ATP6V0D1: variants seen among roughly 807,000 people sequenced by gnomAD.
ATP6V0D1 encodes the protein ATPase H+ transporting V0 subunit d1.
Under a neutral mutation model 39.0 loss-of-function variants are expected in ATP6V0D1, and 13 were observed. That is an observed-to-expected ratio of 0.33 (90% confidence interval 0.22 to 0.53). The LOEUF is 0.53. ATP6V0D1 is among the 20% of genes least tolerant of loss of function. The probability of loss-of-function intolerance (pLI) is 0.94; values close to 1 mark genes in which losing one functional copy is unlikely to be tolerated. For synonymous variants in ATP6V0D1, 191 were observed against 191.2 expected, an observed-to-expected ratio of 1.00 and a Z score of 0.01; for missense variants, 272 against 470.9, an observed-to-expected ratio of 0.58 and a Z score of 3.91.
chr16:67,442,887 C>T (rs12596882), intron 4 of ATP6V0D1, among the ~76,000 whole-genome samples: 1 of 152,208 alleles, frequency 6.6e-6, no homozygotes, highest in East Asian at 1.9e-4. Context: ...CTGATTTTAT[C>T]TGAGCCCGTC....
chr16:67,470,552 G>C (rs1209654213), intron 1 of ATP6V0D1, among the ~76,000 whole-genome samples: 1 of 152,234 alleles, frequency 6.6e-6, no homozygotes, highest in African/African-American at 2.4e-5. Context: ...CTTGTGGGCA[G>C]AGCTAGGCTT....
At chr16:67,441,049 C>G (rs150716264) in intron 4 of ATP6V0D1, 1 of 152,322 alleles carries the variant, frequency 6.6e-6, no homozygotes, top group African/African-American at 2.4e-5. Flanking sequence ...GGGGAACCAA[C>G]CAACCAGGTA....
At chr16:67,470,656 C>T (rs2041365528) in intron 1 of ATP6V0D1, among the ~76,000 whole-genome samples, 1 of 152,172 alleles carries the variant, frequency 6.6e-6, no homozygotes, top group African/African-American at 2.4e-5. Flanking sequence ...AGGTTAATAT[C>T]TTTAGTGTTA....
chr16:67,478,758 A>G (rs1321625718), intron 1 of ATP6V0D1, among the ~76,000 whole-genome samples: 2 of 152,120 alleles, frequency 1.3e-5, no homozygotes, highest in East Asian at 3.9e-4. Flanking sequence ...GCAGTGTTAT[A>G]GGAAAAATGT....
rs148441376 is a variant in ATP6V0D1, at chr16:67,481,020, G to T, written c.67C>A (p.Leu23Met). 2 of 1,614,202 alleles carry T rather than the reference G, an allele frequency of 1.2e-6. No homozygotes were observed. ...GCCTGGCTGAGCACCCCGGCCTTCA[G>T]GCCGCGCACCAGTCCCTCCAAGTAG... is the stretch of plus-strand genomic sequence containing the variant. ...NGYLEGLVRG[L>M]KAGVLSQADY... The change falls in exon 1 of 8, where the codon CTG (leucine) becomes ATG (methionine). Residue 23 changes from leucine (L) to methionine (M), a missense_variant. Coordinates refer to ENST00000290949, the MANE Select transcript of ATP6V0D1 (RefSeq NM_004691.5).
chr16:67,447,389 TCTC>T lies in ATP6V0D1; in HGVS notation c.303-2686_303-2684del, dbSNP rs1469735743. Among the ~76,000 whole-genome samples, 8 of 152,202 alleles carry T rather than the reference TCTC, an allele frequency of 5.3e-5. No homozygotes were observed. The highest frequency in any genetic ancestry group is 1.0e-4 in the Non-Finnish European group (7 of 68,018). ...TAAGGCTGGCCCAGCAGTCTGCCTTTCTCCCAAGGCCGAGGCCTTCGGCAGGCA... is the reference window on the plus strand; with the variant it reads ...TAAGGCTGGCCCAGCAGTCTGCCTTTCCAAGGCCGAGGCCTTCGGCAGGCA... On this transcript the variant is annotated intron_variant, in intron 2 of 7. Transcript: ENST00000290949. This position sits in a 1 kb window ranked among gnomAD's most constrained non-coding sequence, Gnocchi z 4.1.
At position 67,438,513 on chromosome 16, in the gene ATP6V0D1, C is replaced by G; in HGVS notation, c.*15G>C. On this transcript the variant is annotated 3_prime_UTR_variant, in exon 8 of 8. Transcript: ENST00000290949. ...CACACACAAAGAGTGCAATTGAGAG[C>G]CTTGGGCCAGGACGCTAGAAGATAG... 1 of 1,613,610 alleles carries G rather than the reference C, an allele frequency of 6.2e-7. No homozygotes were observed. The highest frequency in any genetic ancestry group is 1.3e-5 in the African/African-American group (1 of 75,004).
chr16:67,474,981 TCTC>T (rs942102859), intron 1 of ATP6V0D1, among the ~76,000 whole-genome samples: 58 of 152,146 alleles, frequency 3.8e-4, no homozygotes, highest in African/African-American at 1.4e-3. Context: ...TTCCTAAAAT[TCTC>T]CTACAATACT....
At position 67,456,249 on chromosome 16, in the gene ATP6V0D1, AGCCTCCCAAAGT is replaced by A. The variant is rs1483298234; in HGVS notation, c.131-2546_131-2535del. ...CCTGACCTCAGCCTCCACCTGCCTC[AGCCTCCCAAAGT>A]GCTGCGATTACAGGCGTGAACCACG... On this transcript the variant is annotated intron_variant, in intron 1 of 7. Coordinates refer to ENST00000290949, the MANE Select transcript of ATP6V0D1 (RefSeq NM_004691.5). This position sits in a 1 kb window ranked among gnomAD's most constrained non-coding sequence, Gnocchi z 4.1. 6.6e-6 allele frequency: 1 copy of A among 152,082 alleles called. No homozygotes were observed. Among genetic ancestry groups the A allele is most frequent in the African/African-American group, 2.4e-5 (1 of 41,398 alleles). 9.4% of individuals were successfully genotyped at this position (152,082 alleles called of 1,614,324 possible).
At chr16:67,480,562 G>A (rs964212881) in intron 1 of ATP6V0D1, among the ~76,000 whole-genome samples, 1 of 152,106 alleles carries the variant, frequency 6.6e-6, no homozygotes, top group Non-Finnish European at 1.5e-5. Context: ...AGGGGGAAGA[G>A]GTGGGGGACT....
At chr16:67,451,039 T>C (rs1045654940) in intron 2 of ATP6V0D1, among the ~76,000 whole-genome samples, 2 of 152,244 alleles carry the variant, frequency 1.3e-5, no homozygotes, top group East Asian at 1.9e-4. Context: ...GTCTTTGCAG[T>C]GCTGGTGGGG....
chr16:67,467,229 G>A (rs2041337797), intron 1 of ATP6V0D1, among the ~76,000 whole-genome samples: 1 of 152,184 alleles, frequency 6.6e-6, no homozygotes. Context: ...TGTCATGGCT[G>A]GGCACAGTGG....
intron 1 of ATP6V0D1, among the ~76,000 whole-genome samples, chr16:67,468,202 G>A (rs1238321712): frequency 6.6e-6 from 1 of 152,120 alleles, no homozygotes; most frequent in Non-Finnish European, 1.5e-5. Flanking sequence ...TGAGGTAGAA[G>A]GATCACTTGA....
At chr16:67,445,063 G>C (rs1376248683) in intron 2 of ATP6V0D1, among the ~76,000 whole-genome samples, 1 of 152,244 alleles carries the variant, frequency 6.6e-6, no homozygotes, top group African/African-American at 2.4e-5. Context: ...CCAGCCCAGG[G>C]GGTGAAGAGC....
intron 1 of ATP6V0D1, among the ~76,000 whole-genome samples, chr16:67,466,563 G>A (rs1054977775): frequency 2.0e-5 from 3 of 151,778 alleles, no homozygotes; most frequent in South Asian, 2.1e-4. Context: ...GGCCGGGCAC[G>A]GTGGCTCACA....
At chr16:67,465,598 C>A (rs1194749932) in intron 1 of ATP6V0D1, among the ~76,000 whole-genome samples, 1 of 152,188 alleles carries the variant, frequency 6.6e-6, no homozygotes, top group Non-Finnish European at 1.5e-5. Context: ...CCTGCAGCTC[C>A]AACTCTGAGC....
intron 1 of ATP6V0D1, among the ~76,000 whole-genome samples, chr16:67,473,505 C>G (rs921675824): frequency 2.0e-5 from 3 of 151,914 alleles, no homozygotes; most frequent in Admixed American, 2.0e-4. Flanking sequence ...CCCGCCACTA[C>G]GCCCAACTAA....
Position 67,444,448 on chromosome 16 carries a change from C to T in ATP6V0D1, c.481+80G>A. ...TCACTTTCTGGCTCAGGGTCGCCCCCCAGCGGGTCCACAAACCCCACCCTG... is the reference window on the plus strand; with the variant it reads ...TCACTTTCTGGCTCAGGGTCGCCCCTCAGCGGGTCCACAAACCCCACCCTG... On this transcript the variant is annotated intron_variant, in intron 3 of 7. Transcript: ENST00000290949. The surrounding 1 kb of genome is among the most constrained non-coding windows in gnomAD (Gnocchi z 4.8). 6.8e-7 allele frequency: 1 copy of T among 1,472,740 alleles called. No homozygotes were observed. The highest frequency in any genetic ancestry group is 9.1e-7 in the Non-Finnish European group (1 of 1,097,544). The allele number at this position is 1,472,740 out of a possible 1,614,324, so 91.2% of individuals were successfully genotyped here. A position where few individuals can be genotyped will look rare whatever the true frequency, so the allele number is the denominator to read the frequency against.
chr16:67,473,289 G>C (rs1201768381), intron 1 of ATP6V0D1, among the ~76,000 whole-genome samples: 1 of 152,054 alleles, frequency 6.6e-6, no homozygotes, highest in African/African-American at 2.4e-5. Flanking sequence ...CCAACTTAAA[G>C]TGTACAATTC....
Sources: gnomAD v4.1 joint callset for allele counts (sites outside exome capture counted in the v4.1 genomes callset) on GRCh38, gnomAD v4.1.1 for gene constraint, Gnocchi (gnomAD v3.1) non-coding constraint, MANE v1.5 for transcripts, NCBI Gene and HGNC (gene_info 2026-07-23, HGNC 2026-07-21) for gene names.